GRID2: variants seen among roughly 807,000 people sequenced by gnomAD.
GRID2 encodes glutamate ionotropic receptor delta type subunit 2, also known as glutamate receptor ionotropic, delta-2.
A neutral mutation model predicts 114.8 loss-of-function variants in GRID2; 33 were observed. The observed-to-expected ratio is 0.29, with a 90% CI of 0.22 to 0.38. The LOEUF is 0.38. Ranked by LOEUF, GRID2 falls within the 10% of genes least tolerant of loss-of-function variation. The probability of loss-of-function intolerance (pLI) is 1.00; values close to 1 mark genes in which losing one functional copy is unlikely to be tolerated. For missense variants in GRID2, 1,184 were observed against 1,257.7 expected (o/e 0.94, Z 0.89); for synonymous variants, 505 against 449.9 (o/e 1.12, Z -1.55).
At chr4:92,911,576 A>T (rs1748384323) in intron 2 of GRID2, among the ~76,000 whole-genome samples, 1 of 151,648 alleles carries the variant, frequency 6.6e-6, no homozygotes, top group Non-Finnish European at 1.5e-5. Context: ...TTTTTTTTTT[A>T]ACAAAACAAA....
intron 2 of GRID2, among the ~76,000 whole-genome samples, chr4:92,801,249 T>C (rs552720066): frequency 1.2e-4 from 18 of 152,014 alleles, no homozygotes; most frequent in Non-Finnish European, 2.2e-4. Flanking sequence ...TTGCCAATCA[T>C]TTATCTTGTG....
rs544072351 is a variant in GRID2 at position 92,957,019 on chromosome 4, T to A, written c.245-127976T>A. ...TTTTGTTTGTTTTCTTTTTGTTGAA[T>A]TTTAAGCATTCCTTGTAAATTTTGT... On this transcript the variant is annotated intron_variant, in intron 2 of 15. Transcript: ENST00000282020. Among the ~76,000 whole-genome samples the A allele has an allele frequency of 2.0e-5, 3 of 152,280 alleles. No individual in the cohort carries two copies. The East Asian group carries it at 5.8e-4, about 29-fold the overall frequency.
At chr4:92,346,221 C>A (rs546535155) in intron 1 of GRID2, among the ~76,000 whole-genome samples, 4 of 152,300 alleles carry the variant, frequency 2.6e-5, no homozygotes, top group Non-Finnish European at 5.9e-5. Context: ...GGAGAGGTCT[C>A]ATTTCCATTG....
intron 3 of GRID2, among the ~76,000 whole-genome samples, chr4:93,090,743 G>A (rs1239121789): frequency 1.3e-5 from 2 of 152,072 alleles, no homozygotes; most frequent in African/African-American, 4.8e-5. Context: ...TCAGAAGGGT[G>A]GTAATCTTCA....
intron 2 of GRID2, among the ~76,000 whole-genome samples, chr4:92,667,420 A>G (rs1732842013): frequency 6.6e-6 from 1 of 151,580 alleles, no homozygotes; most frequent in Admixed American, 6.6e-5. Context: ...TAAAATTTAG[A>G]CGGTTTAATC....
chr4:92,539,001 C>T (rs1455521528), intron 1 of GRID2, among the ~76,000 whole-genome samples: 2 of 149,976 alleles, frequency 1.3e-5, no homozygotes, highest in African/African-American at 4.9e-5. Context: ...GAGATCACTC[C>T]ACTGCACTCC....
rs1315419556 is a variant in GRID2, at chr4:92,634,863, GAGAGAGAGAGAGAGAA to G, written c.244+44593_244+44608del. Among the ~76,000 whole-genome samples the G allele has an allele frequency of 7.4e-5, 10 of 135,044 alleles. No homozygotes were observed. In the East Asian group the frequency reaches 1.7e-3, roughly 23 times the overall value. The allele number at this position is 135,044 out of a possible 152,430, so 88.6% of individuals were successfully genotyped here. A position where few individuals can be genotyped will look rare whatever the true frequency, so the allele number is the denominator to read the frequency against. Reference sequence around the variant, plus strand: ...CATGCATTCGTTGCAGAGAGACAGAGAGAGAGAGAGAGAGAAAGAGAGAGAGAGAGAGAGAAATTGA... The same window carrying G: ...CATGCATTCGTTGCAGAGAGACAGAGAGAGAGAGAGAGAGAGAGAAATTGA... On this transcript the variant is annotated intron_variant, in intron 2 of 15. Transcript: ENST00000282020.
chr4:92,899,131 A>G (rs1173801143), intron 2 of GRID2, among the ~76,000 whole-genome samples: 2 of 152,084 alleles, frequency 1.3e-5, no homozygotes, highest in Non-Finnish European at 2.9e-5. Flanking sequence ...TTTGAATTCA[A>G]TTCTGTTAAA....
rs181174258 is a variant in GRID2 at position 92,467,342 on chromosome 4, G to A, written c.89-122789G>A. Among the ~76,000 whole-genome samples the A allele has an allele frequency of 2.6e-5, 4 of 151,910 alleles. No individual in the cohort carries two copies. The South Asian group carries it at 6.2e-4, about 24-fold the overall frequency. On this transcript the variant is annotated intron_variant, in intron 1 of 15. Transcript: ENST00000282020. ...ATTATTACAAAATGTTTATAAACAC[G>A]TTATAATTTTCAGAGGCTTACATTC...
intron 13 of GRID2, among the ~76,000 whole-genome samples, chr4:93,579,533 A>C (rs1238565549): frequency 4.6e-5 from 7 of 151,792 alleles, no homozygotes; most frequent in Non-Finnish European, 1.5e-5. Flanking sequence ...ACCCTCATGC[A>C]AAAAAAATAC....
intron 4 of GRID2, among the ~76,000 whole-genome samples, chr4:93,167,713 T>C (rs1334068046): frequency 2.6e-5 from 4 of 152,206 alleles, no homozygotes; most frequent in Admixed American, 2.0e-4. Context: ...AATTTATATA[T>C]GAGTTATTTG....
intron 2 of GRID2, among the ~76,000 whole-genome samples, chr4:92,740,285 G>T (rs545503971): frequency 6.6e-6 from 1 of 152,212 alleles, no homozygotes; most frequent in Non-Finnish European, 1.5e-5. Context: ...ATGAAAAATA[G>T]AAATGTGTTA....
intron 14 of GRID2, among the ~76,000 whole-genome samples, chr4:93,663,201 A>C (rs1033781934): frequency 2.0e-5 from 3 of 152,232 alleles, no homozygotes; most frequent in African/African-American, 7.2e-5. Context: ...AAACAAGGCC[A>C]TATCATCATC....
At chr4:93,236,318 A>C (rs1746791387) in intron 7 of GRID2, among the ~76,000 whole-genome samples, 1 of 152,006 alleles carries the variant, frequency 6.6e-6, no homozygotes, top group Non-Finnish European at 1.5e-5. Flanking sequence ...AACAAAGGAG[A>C]AAAAGGAGGA....
intron 2 of GRID2, among the ~76,000 whole-genome samples, chr4:93,063,755 C>T (rs1728013453): frequency 6.6e-6 from 1 of 151,754 alleles, no homozygotes; most frequent in South Asian, 2.1e-4. Context: ...CTAAGTAGAC[C>T]TGTAAGCATT....
intron 2 of GRID2, among the ~76,000 whole-genome samples, chr4:93,023,922 G>C (rs112028736): frequency 0.022 from 3,351 of 151,878 alleles, 67 homozygotes; most frequent in East Asian, 0.053. Context: ...CACTGAAGTA[G>C]GATAAAATGT....
At chr4:93,392,442 C>A (rs1287110745) in intron 8 of GRID2, among the ~76,000 whole-genome samples, 1 of 152,106 alleles carries the variant, frequency 6.6e-6, no homozygotes, top group Non-Finnish European at 1.5e-5. Context: ...GAAACATTAC[C>A]AGTTGCAGAT....
intron 8 of GRID2, among the ~76,000 whole-genome samples, chr4:93,350,542 G>T (rs974900268): frequency 6.6e-6 from 1 of 152,010 alleles, no homozygotes; most frequent in South Asian, 2.1e-4. Flanking sequence ...TCAGCAAAAA[G>T]CTTGAGAAGT....
intron 14 of GRID2, among the ~76,000 whole-genome samples, chr4:93,681,297 G>T (rs1725508129): frequency 6.6e-6 from 1 of 151,504 alleles, no homozygotes; most frequent in Non-Finnish European, 1.5e-5. Flanking sequence ...AGAAATGGAA[G>T]AACATTCCAT....
Sources: allele counts gnomAD v4.1 joint callset (sites outside exome capture counted in the v4.1 genomes callset), GRCh38; gene constraint gnomAD v4.1.1; transcripts MANE v1.5; gene names NCBI Gene and HGNC (gene_info 2026-07-23, HGNC 2026-07-21).